The following CD48 variants were observed in gnomAD, a reference collection of about 807,000 sequenced individuals.
The protein encoded by CD48 is CD48 antigen.
A neutral mutation model predicts 22.0 loss-of-function variants in CD48; 20 were observed. The ratio of observed to expected loss-of-function variants is 0.91; its 90% CI spans 0.64 to 1.32. CD48 has a LOEUF of 1.32. CD48 is among the 40% of genes most tolerant of loss of function. CD48 has a pLI of 0.00. For synonymous variants in CD48, 110 were observed against 110.1 expected (o/e 1.00, Z 0.01); for missense variants, 307 against 286.5 (o/e 1.07, Z -0.52).
intron 1 of CD48, among the ~76,000 whole-genome samples, chr1:160,701,154 T>C (rs983801399): frequency 6.9e-5 from 9 of 131,010 alleles, no homozygotes; most frequent in Non-Finnish European, 1.3e-4. Context: ...TTTTTCACAA[T>C]CTGATTTATG....
chr1:160,705,716 C>T (rs553537161), intron 1 of CD48, among the ~76,000 whole-genome samples: 7 of 152,124 alleles, frequency 4.6e-5, no homozygotes, highest in East Asian at 3.9e-4. Flanking sequence ...TTAATAGAAG[C>T]GGTCATAATA....
chr1:160,678,882 A>C lies in CD48; in HGVS notation c.*170T>G. Reference sequence around the variant, plus strand: ...GTGTACTAGAAAACAACAAAGGGATATAAAATTAAATAATAACCAGTATTT... The same window carrying C: ...GTGTACTAGAAAACAACAAAGGGATCTAAAATTAAATAATAACCAGTATTT... On this transcript the variant is annotated 3_prime_UTR_variant, in exon 4 of 4. Coordinates refer to ENST00000368046, the MANE Select transcript of CD48 (RefSeq NM_001778.4). 1 of 584,288 alleles carries C rather than the reference A, an allele frequency of 1.7e-6. No homozygotes were observed. The highest frequency in any genetic ancestry group is 2.8e-5 in the East Asian group (1 of 35,916). The allele number at this position is 584,288 out of a possible 1,614,324, so 36.2% of individuals were successfully genotyped here.
At chr1:160,684,410 T>G (rs1359170171) in intron 2 of CD48, 1 of 220,980 alleles carries the variant, frequency 4.5e-6, no homozygotes, top group African/African-American at 2.3e-5. Context: ...GAGTCCTTAT[T>G]CCATATACAC....
intron 1 of CD48, among the ~76,000 whole-genome samples, chr1:160,706,646 C>T (rs58755605): frequency 0.019 from 2,891 of 152,218 alleles, 84 homozygotes; most frequent in African/African-American, 0.066. Flanking sequence ...GGTGATATGT[C>T]TGGATGATTG....
At chr1:160,702,013 T>C (rs1305245434) in intron 1 of CD48, among the ~76,000 whole-genome samples, 1 of 152,094 alleles carries the variant, frequency 6.6e-6, no homozygotes, top group Non-Finnish European at 1.5e-5. Flanking sequence ...TTGTTTAAAA[T>C]GATATTAGGT....
At position 160,678,991 on chromosome 1, in the gene CD48, T is replaced by C. The variant is rs1661705963; in HGVS notation, c.*61A>G. ...ACAGTCTCTGTCCTGGTGAGGAGCATGATCACCAACAGGCAAGATCTTCTG... is the reference window on the plus strand; with the variant it reads ...ACAGTCTCTGTCCTGGTGAGGAGCACGATCACCAACAGGCAAGATCTTCTG... On this transcript the variant is annotated 3_prime_UTR_variant, in exon 4 of 4. Transcript: ENST00000368046. 6.4e-6 allele frequency: 8 copies of C among 1,245,460 alleles called. No individual in the cohort carries two copies. Among genetic ancestry groups the C allele is most frequent in the Non-Finnish European group, 8.3e-6 (7 of 843,866 alleles). The allele number at this position is 1,245,460 out of a possible 1,614,324, so 77.2% of individuals were successfully genotyped here.
At chr1:160,683,707 T>C (rs544390238) in intron 2 of CD48, 1 of 152,298 alleles carries the variant, frequency 6.6e-6, no homozygotes, top group East Asian at 1.9e-4. Flanking sequence ...TATACAACAC[T>C]CTTCATTTGC....
At chr1:160,709,299 A>G (rs529508504) in intron 1 of CD48, among the ~76,000 whole-genome samples, 1 of 152,326 alleles carries the variant, frequency 6.6e-6, no homozygotes, top group East Asian at 1.9e-4. Context: ...TGCTCTTCCC[A>G]GGTTTTCATC....
intron 1 of CD48, among the ~76,000 whole-genome samples, chr1:160,698,082 G>A (rs976661595): frequency 5.9e-5 from 9 of 151,990 alleles, no homozygotes; most frequent in African/African-American, 1.7e-4. Flanking sequence ...ACAAGATATC[G>A]TAAGCCATTT....
intron 1 of CD48, chr1:160,691,877 C>T (rs543709225): frequency 1.6e-4 from 55 of 334,512 alleles, no homozygotes; most frequent in South Asian, 1.5e-3. Context: ...CTTGTGCACT[C>T]GGAAGAAGCT....
intron 1 of CD48, among the ~76,000 whole-genome samples, chr1:160,698,679 C>A (rs182572670): frequency 0.022 from 3,398 of 152,004 alleles, 59 homozygotes; most frequent in Non-Finnish European, 0.031. Context: ...TGTATTACAC[C>A]CCAAATTTAT....
Position 160,681,595 on chromosome 1 carries a change from G to C in CD48, c.386-127C>G, listed in dbSNP as rs1661806521. ...CCCCAGGAGGCAGAGTCATGAAGAA[G>C]AAGTTCTACAGAGGGAGCCAGTGAG... On this transcript the variant is annotated intron_variant, in intron 2 of 3. Coordinates refer to ENST00000368046, the MANE Select transcript of CD48 (RefSeq NM_001778.4). 5 of 1,221,536 alleles carry C rather than the reference G, an allele frequency of 4.1e-6. No individual in the cohort carries two copies. In the South Asian group the frequency reaches 7.1e-5, roughly 17 times the overall value. 75.7% of individuals were successfully genotyped at this position (1,221,536 alleles called of 1,614,324 possible). A position where few individuals can be genotyped will look rare whatever the true frequency, so the allele number is the denominator to read the frequency against.
rs1661950646 is a variant in CD48, at chr1:160,685,109, G to T, written c.163C>A (p.Gln55Lys). ...ISESLPENYK[Q>K]LTWFYTFDQK... ...TCGAAAGTATAAAACCAGGTTAGTTGTTTGTAGTTCTCAGGCAGGCTCTCA... is the reference window on the plus strand; with the variant it reads ...TCGAAAGTATAAAACCAGGTTAGTTTTTTGTAGTTCTCAGGCAGGCTCTCA... The change falls in exon 2 of 4, where the codon CAA (glutamine) becomes AAA (lysine). Residue 55 changes from glutamine to lysine, a missense_variant. Transcript: ENST00000368046. 6.2e-7 allele frequency: 1 copy of T among 1,614,062 alleles called. No individual in the cohort carries two copies.
chr1:160,710,068 A>G (rs1405783474), intron 1 of CD48, among the ~76,000 whole-genome samples: 1 of 152,220 alleles, frequency 6.6e-6, no homozygotes, highest in Non-Finnish European at 1.5e-5. Flanking sequence ...AGGCATGTAC[A>G]TAAGCCCAGA....
At chr1:160,680,922 A>G (rs1257736669) in intron 3 of CD48, 12 of 1,428,754 alleles carry the variant, frequency 8.4e-6, no homozygotes, top group Non-Finnish European at 1.0e-5. Flanking sequence ...AGATGTTAGG[A>G]CTATGCTTTG....
chr1:160,698,117 C>T (rs1395224875), intron 1 of CD48, among the ~76,000 whole-genome samples: 1 of 152,152 alleles, frequency 6.6e-6, no homozygotes, highest in African/African-American at 2.4e-5. Flanking sequence ...AAATTCCATT[C>T]TAACGGTTCC....
chr1:160,711,126 C>T (rs762101332), intron 1 of CD48, among the ~76,000 whole-genome samples: 6 of 152,176 alleles, frequency 3.9e-5, no homozygotes, highest in African/African-American at 1.2e-4. Flanking sequence ...GTTAAGGTTC[C>T]TTTGATGCTG....
chr1:160,699,891 C>A (rs921356728), intron 1 of CD48: 6 of 151,636 alleles, frequency 4.0e-5, no homozygotes, highest in Non-Finnish European at 8.8e-5. Context: ...ATATGCTGAA[C>A]GTTGGTTCCC....
chr1:160,683,407 A>G (rs1661874597), intron 2 of CD48: 1 of 152,114 alleles, frequency 6.6e-6, no homozygotes, highest in African/African-American at 2.4e-5. Context: ...ATTTTTAAGT[A>G]CTCAGAAATT....
Sources: gnomAD v4.1 joint callset for allele counts (sites outside exome capture counted in the v4.1 genomes callset) on GRCh38, gnomAD v4.1.1 for gene constraint, MANE v1.5 for transcripts, NCBI Gene and HGNC (gene_info 2026-07-23, HGNC 2026-07-21) for gene names.